PGPEP1L: variants seen among roughly 807,000 people sequenced by gnomAD.
PGPEP1L encodes the protein pyroglutamyl-peptidase I like.
A neutral mutation model predicts 6.0 loss-of-function variants in PGPEP1L; 7 were observed. The ratio of observed to expected loss-of-function variants is 1.17; its 90% CI spans 0.66 to 2.19. PGPEP1L has a LOEUF of 2.19. Among genes scored for constraint, PGPEP1L ranks in the 30% most tolerant of loss-of-function variants. The pLI is 0.00. For missense variants in PGPEP1L, 209 were observed against 192.5 expected (o/e 1.09, Z -0.51); for synonymous variants, 103 against 83.9 (o/e 1.23, Z -1.24).
chr15:98,988,892 C>G (rs1827277787), intron 2 of PGPEP1L, among the ~76,000 whole-genome samples: 1 of 152,166 alleles, frequency 6.6e-6, no homozygotes, highest in African/African-American at 2.4e-5. Flanking sequence ...AGTGCCCTGA[C>G]TGTTAGAAGG....
chr15:99,002,965 G>A (rs562125349), intron 2 of PGPEP1L, among the ~76,000 whole-genome samples: 23 of 152,280 alleles, frequency 1.5e-4, no homozygotes, highest in African/African-American at 5.3e-4. Context: ...AACCAGTTCT[G>A]GAGAGAAACT....
rs1387892806 is a variant in PGPEP1L, at chr15:98,969,665, T to C, written c.-18-14A>G. 1 of 1,607,204 alleles carries C rather than the reference T, an allele frequency of 6.2e-7. No individual in the cohort carries two copies. The highest frequency in any genetic ancestry group is 8.5e-7 in the Non-Finnish European group (1 of 1,178,972). ...ATGCACGACGAGCTGTGTGAACGGG[T>C]AACAGCAGAGAGAACCCAGGAAAAC... On this transcript the variant is annotated splice_polypyrimidine_tract_variant and intron_variant, in intron 3 of 4. Coordinates refer to ENST00000535714, the MANE Select transcript of PGPEP1L (RefSeq NM_001167902.2).
rs11638447 is a variant in PGPEP1L, at chr15:98,983,749, C to T, written c.-141-12591G>A. On this transcript the variant is annotated intron_variant, in intron 2 of 4. Coordinates refer to ENST00000535714, the MANE Select transcript of PGPEP1L (RefSeq NM_001167902.2). The stretch of plus-strand genomic sequence containing the variant: ...ACATACTGCAAACAGCATTAAGTCG[C>T]TTTTCTGGGAGTTTGTAGGAACTGC... 6.7e-3 allele frequency among the ~76,000 whole-genome samples: 1,015 copies of T among 152,284 alleles called. 10 individuals are homozygous for T. The highest frequency in any genetic ancestry group is 9.5e-3 in the Non-Finnish European group (643 of 68,014).
intron 2 of PGPEP1L, among the ~76,000 whole-genome samples, chr15:98,992,388 A>G (rs1384809417): frequency 6.6e-6 from 1 of 152,240 alleles, no homozygotes; most frequent in African/African-American, 2.4e-5. Flanking sequence ...AATACAACTT[A>G]CAAGGGATGT....
In PGPEP1L at chr15:98,976,457, TAA is replaced by T. The variant is rs1861510940; in HGVS notation, c.-141-5301_-141-5300del. ...TCTAGAGTTCTATGGAATCACAATCTAAAAGTCATTTTCTCATATCACAACAA... is the reference window on the plus strand; with the variant it reads ...TCTAGAGTTCTATGGAATCACAATCTAAGTCATTTTCTCATATCACAACAA... On this transcript the variant is annotated intron_variant, in intron 2 of 4. Coordinates refer to ENST00000535714, the MANE Select transcript of PGPEP1L (RefSeq NM_001167902.2). Among the ~76,000 whole-genome samples the T allele has an allele frequency of 5.3e-5, 8 of 152,226 alleles. No individual in the cohort carries two copies. The South Asian group carries it at 1.7e-3, about 32-fold the overall frequency.
At position 98,985,453 on chromosome 15, in the gene PGPEP1L, A is replaced by G. The variant is rs145117085; in HGVS notation, c.-141-14295T>C. The stretch of plus-strand genomic sequence containing the variant: ...CTCAGGAGGCTGAGGCAAGAGAATT[A>G]CTTGAACCCGGGAAGCGGAAGTTGC... On this transcript the variant is annotated intron_variant, in intron 2 of 4. Transcript: ENST00000535714. Among the ~76,000 whole-genome samples, 865 of 152,306 alleles carry G rather than the reference A, an allele frequency of 5.7e-3. 8 individuals are homozygous for G. The highest frequency in any genetic ancestry group is 0.02 in the African/African-American group (817 of 41,578).
chr15:98,991,881 G>C (rs1164914710), intron 2 of PGPEP1L, among the ~76,000 whole-genome samples: 2 of 152,134 alleles, frequency 1.3e-5, no homozygotes, highest in Non-Finnish European at 2.9e-5. Context: ...ATGCAGAAAA[G>C]TCCTTTGACA....
chr15:98,971,180 C>T lies in PGPEP1L; in HGVS notation c.-141-22G>A, dbSNP rs763755528. On this transcript the variant is annotated intron_variant, in intron 2 of 4. Transcript: ENST00000535714. ...GCTCCTGAGGAAAGCGGCAGGTGGA[C>T]TTGCCTCAGTTGATGGGGGGGGGGG... The T allele has an allele frequency of 7.2e-6, 10 of 1,397,038 alleles. No individual in the cohort carries two copies. The East Asian group carries it at 2.1e-4, about 29-fold the overall frequency. 86.5% of individuals were successfully genotyped at this position (1,397,038 alleles called of 1,614,324 possible). A position where few individuals can be genotyped will look rare whatever the true frequency, so the allele number is the denominator to read the frequency against.
intron 2 of PGPEP1L, among the ~76,000 whole-genome samples, chr15:98,997,881 G>T (rs988916912): frequency 1.3e-5 from 2 of 152,082 alleles, no homozygotes; most frequent in Non-Finnish European, 2.9e-5. Flanking sequence ...TCCCAGGAGG[G>T]TCCCTTTAGG....
chr15:98,979,630 A>AT (rs1882033817), intron 2 of PGPEP1L, among the ~76,000 whole-genome samples: 2 of 105,924 alleles, frequency 1.9e-5, no homozygotes, highest in African/African-American at 7.6e-5. Context: ...ATTGGAGACT[A>AT]TTCTTTTTTT....
chr15:98,971,453 C>T (rs887414217), intron 2 of PGPEP1L, among the ~76,000 whole-genome samples: 1 of 152,020 alleles, frequency 6.6e-6, no homozygotes, highest in Non-Finnish European at 1.5e-5. Context: ...GAAATAGTAC[C>T]ACTGCGCTCC....
chr15:98,978,562 C>G (rs1260058979), intron 2 of PGPEP1L, among the ~76,000 whole-genome samples: 1 of 151,330 alleles, frequency 6.6e-6, no homozygotes, highest in Non-Finnish European at 1.5e-5. Context: ...TTGTTTTTTC[C>G]CCAAAAAAAA....
chr15:99,000,886 C>T (rs1355621565), intron 2 of PGPEP1L, among the ~76,000 whole-genome samples: 1 of 152,108 alleles, frequency 6.6e-6, no homozygotes, highest in East Asian at 1.9e-4. Flanking sequence ...TGTTCTTTCG[C>T]TCTTTACAAT....
rs556151766 is a variant in PGPEP1L at position 99,007,620 on chromosome 15, C to G, written c.-631G>C. 3 of 151,982 alleles carry G rather than the reference C, an allele frequency of 2.0e-5. No individual in the cohort carries two copies. The highest frequency in any genetic ancestry group is 1.3e-4 in the Admixed American group (2 of 15,254). The allele number at this position is 151,982 out of a possible 1,614,324, so 9.4% of individuals were successfully genotyped here. A position where few individuals can be genotyped will look rare whatever the true frequency, so the allele number is the denominator to read the frequency against. On this transcript the variant is annotated 5_prime_UTR_variant, in exon 1 of 5. Transcript: ENST00000535714. ...GCGTGTTTGGAGTTATTCGTTTCTC[C>G]CGGTGGGTCCGTGATGTGGCTGGCT...
chr15:98,982,700 CTTTTTTTTTTTTTTTT>C (rs369749842), intron 2 of PGPEP1L, among the ~76,000 whole-genome samples: 2 of 52,510 alleles, frequency 3.8e-5, no homozygotes, highest in Admixed American at 6.0e-4. Context: ...TTATCTGAGG[CTTTTTTTTTTTTTTTT>C]TTTTTTTTTT....
At chr15:98,972,280 G>A (rs1165265999) in intron 2 of PGPEP1L, among the ~76,000 whole-genome samples, 1 of 152,068 alleles carries the variant, frequency 6.6e-6, no homozygotes, top group African/African-American at 2.4e-5. Flanking sequence ...TTGAACCTGG[G>A]AGGCAGAGGT....
At position 98,969,445 on chromosome 15, in the gene PGPEP1L, G is replaced by A; in HGVS notation, c.189C>T (p.Ile63=). ...CATACCTGCCTGCATCTCGGGAAAA[G>A]ATCACGTCGACACCCTCCACAGCTA... is the stretch of plus-strand genomic sequence containing the variant. The part of the protein sequence containing the change: ...KRVAVEGVDV[I]FSRDAGRYVC... Residue 63 remains isoleucine, a synonymous_variant, in exon 4 of 5, where the codon ATC becomes ATT. Transcript: ENST00000535714. The A allele has an allele frequency of 1.9e-6, 3 of 1,614,030 alleles. No individual in the cohort carries two copies. The highest frequency in any genetic ancestry group is 1.1e-5 in the South Asian group (1 of 91,078).
intron 2 of PGPEP1L, among the ~76,000 whole-genome samples, chr15:98,984,009 C>CTTTTT (rs71456904): frequency 8.6e-5 from 10 of 115,776 alleles, no homozygotes; most frequent in Non-Finnish European, 1.2e-4. Flanking sequence ...AGTAAGTAGT[C>CTTTTT]TTTTTTTTTT....
chr15:98,982,230 C>T (rs542261573), intron 2 of PGPEP1L, among the ~76,000 whole-genome samples: 6 of 152,320 alleles, frequency 3.9e-5, no homozygotes, highest in Non-Finnish European at 8.8e-5. Flanking sequence ...GTGTGGATTC[C>T]ATCTGCACTC....
Sources: gnomAD v4.1 joint callset for allele counts (sites outside exome capture counted in the v4.1 genomes callset) on GRCh38, gnomAD v4.1.1 for gene constraint, MANE v1.5 for transcripts, NCBI Gene and HGNC (gene_info 2026-07-23, HGNC 2026-07-21) for gene names.